Variants in PDS5B observed in about 807,000 individuals in gnomAD.
The protein encoded by PDS5B is sister chromatid cohesion protein PDS5 homolog B.
PDS5B carries 51 observed loss-of-function variants against 184.1 expected under a neutral mutation model. That is an observed-to-expected ratio of 0.28 (90% CI 0.22 to 0.35). The LOEUF is 0.35. PDS5B is among the 10% of genes least tolerant of loss of function. The probability of loss-of-function intolerance (pLI) is 1.00; values close to 1 mark genes in which losing one functional copy is unlikely to be tolerated. For missense variants in PDS5B, 1,180 were observed against 1,723.3 expected (o/e 0.68, Z 5.58); for synonymous variants, 566 against 569.2 (o/e 0.99, Z 0.08).
At chr13:32,719,448 G>T (rs1367057010) in intron 19 of PDS5B, among the ~76,000 whole-genome samples, 1 of 152,120 alleles carries the variant, frequency 6.6e-6, no homozygotes, top group African/African-American at 2.4e-5. Context: ...CTCCCAAAGT[G>T]TTGGGATTAC....
intron 18 of PDS5B, among the ~76,000 whole-genome samples, chr13:32,708,408 TACAA>T (rs1566354804): frequency 6.6e-6 from 1 of 152,218 alleles, no homozygotes; most frequent in African/African-American, 2.4e-5. Context: ...CTTTTATTCT[TACAA>T]ACAACACTAA....
chr13:32,769,985 C>A, intron 31 of PDS5B, 136 bp from the exon 32 acceptor site: 1 of 648,512 alleles, frequency 1.5e-6, no homozygotes, highest in Non-Finnish European at 2.5e-6. Context: ...AAATACAGTT[C>A]TGGTGTATTT....
chr13:32,619,092 A>ATTT (rs2140529795), intron 1 of PDS5B, among the ~76,000 whole-genome samples: 1 of 152,286 alleles, frequency 6.6e-6, no homozygotes, highest in East Asian at 1.9e-4. Flanking sequence ...AAATACCCCT[A>ATTT]CCCTGTATTT....
chr13:32,625,989 C>G (rs938879950), intron 1 of PDS5B, among the ~76,000 whole-genome samples: 1 of 152,102 alleles, frequency 6.6e-6, no homozygotes, highest in Non-Finnish European at 1.5e-5. Flanking sequence ...CAGGCACGCA[C>G]TACCAACGCC....
chr13:32,695,631 G>A (rs1195580451), intron 14 of PDS5B, among the ~76,000 whole-genome samples: 1 of 151,954 alleles, frequency 6.6e-6, no homozygotes, highest in African/African-American at 2.4e-5. Context: ...ATAACATCCA[G>A]GTAGTATGTT....
chr13:32,609,610 T>C (rs1321394010), intron 1 of PDS5B, among the ~76,000 whole-genome samples: 1 of 152,192 alleles, frequency 6.6e-6, no homozygotes, highest in Non-Finnish European at 1.5e-5. Flanking sequence ...TTAACCATAG[T>C]CCATGGAAAT....
chr13:32,673,298 A>G lies in PDS5B; in HGVS notation c.788A>G (p.Tyr263Cys). ...EHVFDLILELYNIDSHLLLSV... is the reference protein window; with the variant it reads ...EHVFDLILELCNIDSHLLLSV... ...GTCTTTGACTTAATTTTGGAGCTCT[A>G]CAATATTGATAGTCATTTGCTGCTC... Residue 263 changes from tyrosine to cysteine, a missense_variant, in exon 8 of 35, where the codon TAC (tyrosine) becomes TGC (cysteine). Physicochemically the swap from Tyr to Cys is radical, Grantham distance 194. Coordinates refer to ENST00000315596, the MANE Select transcript of PDS5B (RefSeq NM_015032.4). The G allele has an allele frequency of 6.2e-7, 1 of 1,612,732 alleles. No homozygotes were observed. The highest frequency in any genetic ancestry group is 8.5e-7 in the Non-Finnish European group (1 of 1,178,972).
At chr13:32,625,957 G>T (rs567859499) in intron 1 of PDS5B, among the ~76,000 whole-genome samples, 3 of 151,888 alleles carry the variant, frequency 2.0e-5, no homozygotes, top group East Asian at 3.9e-4. Context: ...TTGTGCCTCA[G>T]CCTCCAGAGT....
intron 1 of PDS5B, among the ~76,000 whole-genome samples, chr13:32,596,378 A>G (rs1421606904): frequency 6.6e-6 from 1 of 152,204 alleles, no homozygotes; most frequent in Non-Finnish European, 1.5e-5. Context: ...ATTGCTAAGT[A>G]ATATTTCATT....
chr13:32,685,487 A>G (rs1307032895), intron 11 of PDS5B, among the ~76,000 whole-genome samples: 1 of 152,166 alleles, frequency 6.6e-6, no homozygotes, highest in Non-Finnish European at 1.5e-5. Context: ...TGCTTGGTTC[A>G]TTCATATAAA....
At chr13:32,622,569 T>G (rs949509163) in intron 1 of PDS5B, among the ~76,000 whole-genome samples, 3 of 152,240 alleles carry the variant, frequency 2.0e-5, no homozygotes, top group African/African-American at 2.4e-5. Context: ...TGTTTAAGTC[T>G]TCTTATGTCT....
In PDS5B at chr13:32,707,589, G is replaced by A. The variant is rs548657858; in HGVS notation, c.1962+550G>A. Among the ~76,000 whole-genome samples, 425 of 140,762 alleles carry A rather than the reference G, an allele frequency of 3.0e-3. 3 individuals carry two copies. Among genetic ancestry groups the A allele is most frequent in the African/African-American group, 0.011 (388 of 36,718 alleles). The allele number at this position is 140,762 out of a possible 152,430, so 92.3% of individuals were successfully genotyped here. Reference sequence around the variant, plus strand: ...TTATTAAAGTATAAGCATTTTTCTCGGTGTTTTTCAAGAGTTTTTTTTTTT... The same window carrying A: ...TTATTAAAGTATAAGCATTTTTCTCAGTGTTTTTCAAGAGTTTTTTTTTTT... On this transcript the variant is annotated intron_variant, in intron 18 of 34. Coordinates refer to ENST00000315596, the MANE Select transcript of PDS5B (RefSeq NM_015032.4).
intron 13 of PDS5B, among the ~76,000 whole-genome samples, chr13:32,691,890 A>T (rs1336131091): frequency 3.3e-5 from 5 of 152,212 alleles, no homozygotes; most frequent in Middle Eastern, 6.8e-3. Flanking sequence ...TATGAGTATC[A>T]AATTTTCTTA....
At position 32,706,917 on chromosome 13, in the gene PDS5B, T is replaced by C. The variant is rs1475361636; in HGVS notation, c.1857-17T>C. The C allele has an allele frequency of 6.5e-7, 1 of 1,533,964 alleles. No individual in the cohort carries two copies. The highest frequency in any genetic ancestry group is 1.2e-5 in the South Asian group (1 of 85,854). On this transcript the variant is annotated splice_polypyrimidine_tract_variant and intron_variant, in intron 17 of 34. Transcript: ENST00000315596. ...CTAGTAACATTTGAAAAAATGACTTTTTTGGTCATATTTTAGTGCTCTTAT... is the reference window on the plus strand; with the variant it reads ...CTAGTAACATTTGAAAAAATGACTTCTTTGGTCATATTTTAGTGCTCTTAT...
intron 32 of PDS5B, 37 bp from the exon 33 acceptor site, chr13:32,770,617 T>A: frequency 6.2e-7 from 1 of 1,601,508 alleles, no homozygotes; most frequent in Non-Finnish European, 8.5e-7. Flanking sequence ...TAAATCATAA[T>A]TTGATGCTAT....
At chr13:32,741,187 C>A (rs908010007) in intron 22 of PDS5B, 39 bp downstream of exon 22, 2 of 1,031,848 alleles carry the variant, frequency 1.9e-6, no homozygotes, top group African/African-American at 1.6e-5. Context: ...TTAATATAAT[C>A]ACCACATTGT....
chr13:32,777,539 A>G lies in PDS5B; in HGVS notation c.*2487A>G, dbSNP rs1263661909. On this transcript the variant is annotated 3_prime_UTR_variant, in exon 35 of 35. Transcript: ENST00000315596. Reference sequence around the variant, plus strand: ...ATTAATTGCTAACAATTGTTAGCAAACTATTTCAGTGATAATGTTCATTTT... The same window carrying G: ...ATTAATTGCTAACAATTGTTAGCAAGCTATTTCAGTGATAATGTTCATTTT... The G allele has an allele frequency of 3.3e-5, 5 of 152,340 alleles. No homozygotes were observed. The East Asian group carries it at 9.6e-4, about 29-fold the overall frequency. The allele number at this position is 152,340 out of a possible 1,614,324, so 9.4% of individuals were successfully genotyped here.
chr13:32,672,904 ATT>A (rs1401239219), intron 7 of PDS5B, among the ~76,000 whole-genome samples: 2 of 152,208 alleles, frequency 1.3e-5, no homozygotes, highest in Admixed American at 6.5e-5. Context: ...GACACATAAA[ATT>A]AACCATCCAG....
rs745309199 is a variant in PDS5B at position 32,678,912 on chromosome 13, T to C, written c.1040T>C (p.Leu347Ser). The change falls in exon 10 of 35, where the codon TTA becomes TCA. Residue 347 changes from leucine (L) to serine (S), a missense_variant. Physicochemically the swap from Leu to Ser is moderately radical, Grantham distance 145. This residue lies in a region of PDS5B where 475 missense variants were observed against 691.5 expected (regional missense o/e 0.69). Coordinates refer to ENST00000315596, the MANE Select transcript of PDS5B (RefSeq NM_015032.4). Reference sequence around the variant, plus strand: ...CATTGTCTCATGAACCATCCTGATTTAGCAAAAGACTTAACAGGTACTATA... The same window carrying C: ...CATTGTCTCATGAACCATCCTGATTCAGCAAAAGACTTAACAGGTACTATA... Reference protein sequence around the residue: ...ASHCLMNHPDLAKDLTEYLKV... With the variant: ...ASHCLMNHPDSAKDLTEYLKV... 6.3e-7 allele frequency: 1 copy of C among 1,587,518 alleles called. No individual in the cohort carries two copies. Among genetic ancestry groups the C allele is most frequent in the African/African-American group, 1.3e-5 (1 of 74,520 alleles).
Sources: gnomAD v4.1 joint callset for allele counts (sites outside exome capture counted in the v4.1 genomes callset) on GRCh38, gnomAD v4.1.1 for gene constraint, gnomAD v4.1.1 regional missense constraint, MANE v1.5 for transcripts, NCBI Gene and HGNC (gene_info 2026-07-23, HGNC 2026-07-21) for gene names.